NSMCE2: variants seen among roughly 807,000 people sequenced by gnomAD.
NSMCE2 encodes the protein E3 SUMO-protein ligase NSE2.
NSMCE2 carries 24 observed loss-of-function variants against 23.8 expected under a neutral mutation model. That is an observed-to-expected ratio of 1.01 (90% CI 0.73 to 1.42). The LOEUF (loss-of-function observed/expected upper bound fraction) is 1.42. NSMCE2 is among the 40% of genes most tolerant of loss of function. NSMCE2 has a pLI of 0.00. For missense variants in NSMCE2, 284 were observed against 296.5 expected (o/e 0.96, Z 0.31); for synonymous variants, 92 against 94.1 (o/e 0.98, Z 0.13).
chr8:125,328,423 C>T (rs1829757119), intron 5 of NSMCE2, among the ~76,000 whole-genome samples: 2 of 152,120 alleles, frequency 1.3e-5, no homozygotes, highest in South Asian at 2.1e-4. Flanking sequence ...GAGCTATGAA[C>T]GTGCAAATTG....
At chr8:125,320,430 C>T (rs1291788178) in intron 5 of NSMCE2, among the ~76,000 whole-genome samples, 1 of 151,788 alleles carries the variant, frequency 6.6e-6, no homozygotes, top group Non-Finnish European at 1.5e-5. Context: ...AAAACTACAC[C>T]AAGGGATCTT....
At chr8:125,320,206 GAGAA>G (rs1360724322) in intron 5 of NSMCE2, among the ~76,000 whole-genome samples, 3 of 117,278 alleles carry the variant, frequency 2.6e-5, no homozygotes, top group Non-Finnish European at 3.3e-5. Context: ...GAGAAAGAAA[GAGAA>G]GGAAGGAAGG....
At chr8:125,181,696 G>T (rs1262813140) in intron 4 of NSMCE2, among the ~76,000 whole-genome samples, 1 of 149,392 alleles carries the variant, frequency 6.7e-6, no homozygotes, top group Non-Finnish European at 1.5e-5. Flanking sequence ...CTAGGGTGGA[G>T]GGCCAAAAAA....
At position 125,102,428 on chromosome 8, in the gene NSMCE2, G is replaced by A. The variant is rs772400135; in HGVS notation, c.98G>A (p.Cys33Tyr). 1.2e-6 allele frequency: 2 copies of A among 1,613,810 alleles called. No individual in the cohort carries two copies. Among genetic ancestry groups the A allele is most frequent in the Non-Finnish European group, 8.5e-7 (1 of 1,179,722 alleles). ...TCCTCCTTGAAAAACTTCCAAGCCTGTATCAACTCTGGTATGGACACAGCT... is the reference window on the plus strand; with the variant it reads ...TCCTCCTTGAAAAACTTCCAAGCCTATATCAACTCTGGTATGGACACAGCT... ...ALSSLKNFQA[C>Y]INSGMDTASS... Residue 33 changes from cysteine to tyrosine, a missense_variant, in exon 3 of 8, where the codon TGT becomes TAT. By Grantham distance (194) the Cys-to-Tyr change is radical. This residue lies in a region of NSMCE2 where 182 missense variants were observed against 155.5 expected (regional missense o/e 1.17). Coordinates refer to ENST00000287437, the MANE Select transcript of NSMCE2 (RefSeq NM_173685.4).
chr8:125,209,733 A>G (rs993660578), intron 5 of NSMCE2, among the ~76,000 whole-genome samples: 1 of 152,132 alleles, frequency 6.6e-6, no homozygotes, highest in Non-Finnish European at 1.5e-5. Flanking sequence ...ATACTGTCTA[A>G]CTTAATTGCT....
chr8:125,192,397 TG>T (rs377715765), intron 5 of NSMCE2, among the ~76,000 whole-genome samples: 208 of 152,100 alleles, frequency 1.4e-3, no homozygotes, highest in African/African-American at 4.7e-3. Context: ...TGTTATTGTG[TG>T]TATAGCAAGT....
At position 125,215,899 on chromosome 8, in the gene NSMCE2, A is replaced by G. The variant is rs140212349; in HGVS notation, c.418+33643A>G. Among the ~76,000 whole-genome samples, 239 of 152,348 alleles carry G rather than the reference A, an allele frequency of 1.6e-3. 1 individual carries two copies. Among genetic ancestry groups the G allele is most frequent in the African/African-American group, 5.6e-3 (234 of 41,592 alleles). Reference sequence around the variant, plus strand: ...GGAGTTCAACACCAGCTTGGGCAACATAACGAGACCCTGTCTCTACAAGAA... The same window carrying G: ...GGAGTTCAACACCAGCTTGGGCAACGTAACGAGACCCTGTCTCTACAAGAA... On this transcript the variant is annotated intron_variant, in intron 5 of 7. Coordinates refer to ENST00000287437, the MANE Select transcript of NSMCE2 (RefSeq NM_173685.4).
chr8:125,366,238 T>C (rs1283570621), intron 7 of NSMCE2, among the ~76,000 whole-genome samples: 1 of 152,156 alleles, frequency 6.6e-6, no homozygotes, highest in African/African-American at 2.4e-5. Flanking sequence ...CCTGTCTTCC[T>C]CATTAGAAAG....
chr8:125,144,750 T>G (rs963843574), intron 3 of NSMCE2, among the ~76,000 whole-genome samples: 5 of 152,214 alleles, frequency 3.3e-5, no homozygotes. Context: ...TGTTTGTGCC[T>G]CATTCATCAT....
intron 5 of NSMCE2, among the ~76,000 whole-genome samples, chr8:125,252,261 G>T (rs971880698): frequency 1.3e-5 from 2 of 152,198 alleles, no homozygotes; most frequent in Non-Finnish European, 2.9e-5. Context: ...GGGCACAGTG[G>T]CTCACGCCTA....
intron 5 of NSMCE2, among the ~76,000 whole-genome samples, chr8:125,261,103 G>A (rs911115527): frequency 9.2e-5 from 14 of 152,116 alleles, no homozygotes; most frequent in Non-Finnish European, 2.9e-5. Context: ...ACTGTTTTGC[G>A]AATCAACCAA....
chr8:125,154,770 C>T (rs187291101), intron 4 of NSMCE2, among the ~76,000 whole-genome samples: 28 of 152,246 alleles, frequency 1.8e-4, no homozygotes, highest in African/African-American at 6.3e-4. Context: ...TACACAGATA[C>T]ACACTTTTTT....
chr8:125,276,692 G>A lies in NSMCE2; in HGVS notation c.419-80527G>A, dbSNP rs535371601. 5.9e-5 allele frequency among the ~76,000 whole-genome samples: 9 copies of A among 152,250 alleles called. No individual in the cohort carries two copies. The East Asian group carries it at 1.5e-3, about 26-fold the overall frequency. On this transcript the variant is annotated intron_variant, in intron 5 of 7. Coordinates refer to ENST00000287437, the MANE Select transcript of NSMCE2 (RefSeq NM_173685.4). The stretch of plus-strand genomic sequence containing the variant: ...GGGAAGGAATGGTGGATTTGGCACA[G>A]GTATTATACTATATACAGATGTATT...
intron 5 of NSMCE2, among the ~76,000 whole-genome samples, chr8:125,215,818 G>A (rs1229245849): frequency 6.6e-6 from 1 of 152,154 alleles, no homozygotes; most frequent in Admixed American, 6.5e-5. Context: ...TGACTATTCT[G>A]GGTACCTCAT....
rs1821362613 is a variant in NSMCE2 at position 125,157,115 on chromosome 8, A to G, written c.264+5838A>G. 2.0e-5 allele frequency among the ~76,000 whole-genome samples: 3 copies of G among 152,324 alleles called. No homozygotes were observed. In the South Asian group the frequency reaches 6.2e-4, roughly 32 times the overall value. The stretch of plus-strand genomic sequence containing the variant: ...CCCACTCTATTAGGCATTGTGAATC[A>G]TTGACAAAAGAAGAAGGAGGGGGAA... On this transcript the variant is annotated intron_variant, in intron 4 of 7. Coordinates refer to ENST00000287437, the MANE Select transcript of NSMCE2 (RefSeq NM_173685.4).
At chr8:125,175,437 C>A (rs1405534799) in intron 4 of NSMCE2, among the ~76,000 whole-genome samples, 1 of 152,154 alleles carries the variant, frequency 6.6e-6, no homozygotes, top group African/African-American at 2.4e-5. Context: ...GAACACAAAG[C>A]AAACTGCTTA....
chr8:125,363,637 AAGAG>A (rs988002884), intron 7 of NSMCE2, among the ~76,000 whole-genome samples: 8 of 125,476 alleles, frequency 6.4e-5, no homozygotes, highest in Non-Finnish European at 1.2e-4. Context: ...AGGAAGGAAG[AAGAG>A]AGGAGGAGGA....
chr8:125,232,637 T>C (rs1224429905), intron 5 of NSMCE2, among the ~76,000 whole-genome samples: 1 of 152,148 alleles, frequency 6.6e-6, no homozygotes, highest in Non-Finnish European at 1.5e-5. Flanking sequence ...GTAGGCCCAG[T>C]AGAATGTTCT....
At chr8:125,343,132 C>T (rs1160978813) in intron 5 of NSMCE2, among the ~76,000 whole-genome samples, 2 of 152,106 alleles carry the variant, frequency 1.3e-5, no homozygotes, top group East Asian at 1.9e-4. Context: ...GTAATGACAG[C>T]GCTGAGTAAA....
Sources: allele counts gnomAD v4.1 joint callset (sites outside exome capture counted in the v4.1 genomes callset), GRCh38; gene constraint gnomAD v4.1.1; regional missense constraint gnomAD v4.1.1; transcripts MANE v1.5; gene names NCBI Gene and HGNC (gene_info 2026-07-23, HGNC 2026-07-21).